The following RNF180 variants were observed in gnomAD, a reference collection of about 807,000 sequenced individuals.
RNF180 encodes ring finger protein 180.
In RNF180, 38 loss-of-function variants were observed where a neutral mutation model predicts 59.2. The observed-to-expected ratio is 0.64, with a 90% CI of 0.50 to 0.84. RNF180 has a LOEUF of 0.84. Among genes scored for constraint, RNF180 ranks in the 40% least tolerant of loss-of-function variants. RNF180 has a pLI of 0.00. For synonymous variants in RNF180, 262 were observed against 240.3 expected (o/e 1.09, Z -0.84); for missense variants, 705 against 700.9 (o/e 1.01, Z -0.07).
intron 7 of RNF180, among the ~76,000 whole-genome samples, chr5:64,337,070 C>T (rs1745159592): frequency 6.6e-6 from 1 of 151,450 alleles, no homozygotes; most frequent in African/African-American, 2.4e-5. Flanking sequence ...GTTACCCAGG[C>T]TGGAGTGCAG....
At chr5:64,173,350 C>T (rs1019601886) in intron 1 of RNF180, among the ~76,000 whole-genome samples, 1 of 151,938 alleles carries the variant, frequency 6.6e-6, no homozygotes, top group Non-Finnish European at 1.5e-5. Flanking sequence ...TTATAATTGA[C>T]ACATTTTTGA....
intron 5 of RNF180, among the ~76,000 whole-genome samples, chr5:64,257,156 A>T (rs1160010747): frequency 6.6e-6 from 1 of 152,166 alleles, no homozygotes; most frequent in Non-Finnish European, 1.5e-5. Flanking sequence ...AAACAGGAAC[A>T]ATTTGACTTC....
At chr5:64,272,565 G>A (rs745755254) in intron 5 of RNF180, among the ~76,000 whole-genome samples, 2 of 152,012 alleles carry the variant, frequency 1.3e-5, no homozygotes, top group Non-Finnish European at 2.9e-5. Context: ...AAACTATGGA[G>A]TGGCGTGATA....
At chr5:64,313,881 T>C (rs1355967841) in intron 5 of RNF180, among the ~76,000 whole-genome samples, 1 of 152,240 alleles carries the variant, frequency 6.6e-6, no homozygotes, top group East Asian at 1.9e-4. Flanking sequence ...GTTGTGGCTT[T>C]GATTTGCATT....
rs1752806974 is a variant in RNF180, at chr5:64,219,641, A to AC, written c.1227+2245_1227+2246insC. On this transcript the variant is annotated intron_variant, in intron 5 of 7. Transcript: ENST00000389100. ...GTGATTCTTCTGCCTCAGCCTCCTGAGAGCTGGGACTACAAGCGCACGCCA... is the reference window on the plus strand; with the variant it reads ...GTGATTCTTCTGCCTCAGCCTCCTGACGAGCTGGGACTACAAGCGCACGCCA... Among the ~76,000 whole-genome samples, 8 of 151,860 alleles carry AC rather than the reference A, an allele frequency of 5.3e-5. No individual in the cohort carries two copies. The South Asian group carries it at 1.7e-3, about 32-fold the overall frequency.
intron 5 of RNF180, 112 bp from the exon 6 acceptor site, chr5:64,325,074 A>G: frequency 1.5e-6 from 1 of 649,580 alleles, no homozygotes; most frequent in South Asian, 2.0e-5. Context: ...TGAATATGCC[A>G]CAGTTTATAT....
chr5:64,170,303 T>TA (rs1490857832), intron 1 of RNF180, among the ~76,000 whole-genome samples: 1 of 152,248 alleles, frequency 6.6e-6, no homozygotes, highest in Non-Finnish European at 1.5e-5. Context: ...TGTCTTATGA[T>TA]ACACTCATTT....
intron 1 of RNF180, among the ~76,000 whole-genome samples, chr5:64,182,086 G>A (rs991949816): frequency 2.0e-5 from 3 of 148,124 alleles, no homozygotes; most frequent in South Asian, 2.2e-4. Flanking sequence ...CGCCTTCCAG[G>A]TTCACACCAT....
At chr5:64,247,748 A>G (rs1184978806) in intron 5 of RNF180, among the ~76,000 whole-genome samples, 1 of 152,004 alleles carries the variant, frequency 6.6e-6, no homozygotes, top group Non-Finnish European at 1.5e-5. Flanking sequence ...TCACAGAATT[A>G]ATAAAACTAC....
chr5:64,234,639 G>A (rs565583873), intron 5 of RNF180, among the ~76,000 whole-genome samples: 18 of 103,530 alleles, frequency 1.7e-4, no homozygotes, highest in Non-Finnish European at 2.8e-4. Flanking sequence ...TCACTCTGTC[G>A]CCCAGGCTGG....
intron 5 of RNF180, among the ~76,000 whole-genome samples, chr5:64,262,063 T>C (rs917616273): frequency 2.0e-5 from 3 of 152,140 alleles, no homozygotes; most frequent in African/African-American, 7.2e-5. Context: ...TTGTTATACT[T>C]ACCAAATAAT....
At chr5:64,223,842 C>T (rs1275921270) in intron 5 of RNF180, among the ~76,000 whole-genome samples, 1 of 152,066 alleles carries the variant, frequency 6.6e-6, no homozygotes, top group African/African-American at 2.4e-5. Flanking sequence ...ATCATCGCTT[C>T]CTGGAAATGG....
At chr5:64,345,945 TA>T (rs1166738904) in intron 7 of RNF180, among the ~76,000 whole-genome samples, 1 of 151,858 alleles carries the variant, frequency 6.6e-6, no homozygotes, top group East Asian at 1.9e-4. Flanking sequence ...CAAAATGACA[TA>T]AAATAACCAG....
At chr5:64,202,495 A>G (rs1347972861) in intron 2 of RNF180, among the ~76,000 whole-genome samples, 1 of 152,158 alleles carries the variant, frequency 6.6e-6, no homozygotes, top group East Asian at 1.9e-4. Context: ...TCTGTTTAAT[A>G]TATGCATAGG....
At chr5:64,325,757 T>C (rs991546708) in intron 6 of RNF180, among the ~76,000 whole-genome samples, 1 of 152,192 alleles carries the variant, frequency 6.6e-6, no homozygotes, top group African/African-American at 2.4e-5. Context: ...TCTTTGGTTC[T>C]TGTTATTTCC....
chr5:64,208,537 A>C (rs1752141148), intron 2 of RNF180, among the ~76,000 whole-genome samples: 1 of 151,060 alleles, frequency 6.6e-6, no homozygotes, highest in African/African-American at 2.4e-5. Context: ...CTTAAAACTT[A>C]ATAGTTGATA....
chr5:64,213,031 C>T (rs1001535848), intron 3 of RNF180, among the ~76,000 whole-genome samples: 2 of 152,124 alleles, frequency 1.3e-5, no homozygotes, highest in Non-Finnish European at 2.9e-5. Flanking sequence ...TTATTAATTT[C>T]CAATCTAAGC....
chr5:64,262,516 A>G lies in RNF180; in HGVS notation c.1227+45120A>G, dbSNP rs528969783. On this transcript the variant is annotated intron_variant, in intron 5 of 7. Transcript: ENST00000389100. ...TTTACCATGGCATAGAGTCCAAACT[A>G]CCAATGAGTGTGAATTTGAAATATG... Among the ~76,000 whole-genome samples the G allele has an allele frequency of 2.0e-5, 3 of 152,274 alleles. No homozygotes were observed. In the South Asian group the frequency reaches 6.2e-4, roughly 32 times the overall value.
At chr5:64,286,971 A>G (rs1742322355) in intron 5 of RNF180, among the ~76,000 whole-genome samples, 1 of 152,040 alleles carries the variant, frequency 6.6e-6, no homozygotes, top group Non-Finnish European at 1.5e-5. Flanking sequence ...GTCCAGATTT[A>G]TTTATTTATT....
Sources: gnomAD v4.1 joint callset for allele counts (sites outside exome capture counted in the v4.1 genomes callset) on GRCh38, gnomAD v4.1.1 for gene constraint, MANE v1.5 for transcripts, NCBI Gene and HGNC (gene_info 2026-07-23, HGNC 2026-07-21) for gene names.